Variants in PICALM observed in about 807,000 individuals in gnomAD.
PICALM encodes the protein phosphatidylinositol-binding clathrin assembly protein.
Under a neutral mutation model 80.5 loss-of-function variants are expected in PICALM, and 40 were observed. That is an observed-to-expected ratio of 0.50 (90% CI 0.39 to 0.65). The LOEUF (loss-of-function observed/expected upper bound fraction) is 0.65, where lower values mean the gene tolerates loss of function less well. Ranked by LOEUF, PICALM falls within the 30% of genes least tolerant of loss-of-function variation. PICALM has a pLI of 0.00. For missense variants in PICALM, 676 were observed against 778.9 expected (o/e 0.87, Z 1.57); for synonymous variants, 288 against 260.3 (o/e 1.11, Z -1.02).
chr11:86,005,771 T>C (rs931807993), intron 8 of PICALM, among the ~76,000 whole-genome samples: 3 of 148,238 alleles, frequency 2.0e-5, no homozygotes, highest in African/African-American at 7.7e-5. Context: ...TTAAAAGAAA[T>C]TACCAAAAAA....
chr11:86,012,228 T>C, intron 6 of PICALM, 53 bp downstream of exon 6: 2 of 956,894 alleles, frequency 2.1e-6, no homozygotes, highest in Non-Finnish European at 1.6e-6. Context: ...GTCAATATTG[T>C]TTATCCATAT....
intron 11 of PICALM, among the ~76,000 whole-genome samples, chr11:86,000,021 GC>G (rs1233954601): frequency 2.0e-5 from 3 of 152,198 alleles, no homozygotes; most frequent in Non-Finnish European, 4.4e-5. Flanking sequence ...AACTAACAGA[GC>G]CAGGATTCAA....
intron 1 of PICALM, among the ~76,000 whole-genome samples, chr11:86,056,862 T>C (rs551428276): frequency 4.6e-5 from 7 of 152,328 alleles, no homozygotes; most frequent in Admixed American, 4.6e-4. Flanking sequence ...AGTACTGATA[T>C]GTGCTACAAG....
At chr11:86,056,159 C>A (rs1313112242) in intron 1 of PICALM, among the ~76,000 whole-genome samples, 5 of 75,034 alleles carry the variant, frequency 6.7e-5, no homozygotes, top group Admixed American at 3.9e-4. Flanking sequence ...AAGAAAAAAC[C>A]CTTGAAAAAT....
intron 5 of PICALM, 48 bp from the exon 6 acceptor site, chr11:86,012,440 G>T (rs1455682701): frequency 2.0e-6 from 2 of 1,006,240 alleles, no homozygotes. Flanking sequence ...GGTTTTAAAT[G>T]ACATTGACAA....
At position 86,031,458 on chromosome 11, in the gene PICALM, A is replaced by G; in HGVS notation, c.273+11T>C. ...ACATCAGTATACTTGTTCAATAAAA[A>G]TTCTGCTTACCTCATTTCCATACAC... On this transcript the variant is annotated intron_variant, in intron 2 of 19. Transcript: ENST00000393346. 6.2e-7 allele frequency: 1 copy of G among 1,602,900 alleles called. No homozygotes were observed. The highest frequency in any genetic ancestry group is 2.2e-5 in the East Asian group (1 of 44,776).
At chr11:85,979,531 A>G (rs2094379175) in intron 17 of PICALM, among the ~76,000 whole-genome samples, 1 of 152,048 alleles carries the variant, frequency 6.6e-6, no homozygotes, top group Admixed American at 6.6e-5. Flanking sequence ...AGTGATGGCA[A>G]TGAACACTGT....
rs531154642 is a variant in PICALM at position 86,019,499 on chromosome 11, C to G, written c.452+2868G>C. ...TCAAGACTGGCCCTTCAAATTAGAA[C>G]AAAAGTTACCATTTTAAAAATCTAT... On this transcript the variant is annotated intron_variant, in intron 4 of 19. Transcript: ENST00000393346. Among the ~76,000 whole-genome samples, 12 of 152,120 alleles carry G rather than the reference C, an allele frequency of 7.9e-5. 1 individual carries two copies. The highest frequency in any genetic ancestry group is 1.8e-4 in the Non-Finnish European group (12 of 67,998).
upstream of PICALM, chr11:86,069,255 C>T: frequency 5.7e-6 from 1 of 176,294 alleles, no homozygotes; most frequent in East Asian, 9.9e-5. Context: ...CGTGATGGAA[C>T]TCGCCAGGCG....
intron 12 of PICALM, among the ~76,000 whole-genome samples, chr11:85,992,658 A>C (rs143313359): frequency 1.3e-3 from 202 of 152,322 alleles, no homozygotes; most frequent in Non-Finnish European, 2.5e-3. Flanking sequence ...ATTTTGTCAG[A>C]CAAGTAAAAT....
chr11:86,040,085 G>A (rs1329928245), intron 1 of PICALM, among the ~76,000 whole-genome samples: 3 of 151,070 alleles, frequency 2.0e-5, no homozygotes, highest in East Asian at 1.9e-4. Context: ...AAATATACAT[G>A]AGGAACGAAA....
chr11:85,986,333 T>TC (rs2094568472), intron 13 of PICALM, among the ~76,000 whole-genome samples: 1 of 151,304 alleles, frequency 6.6e-6, no homozygotes, highest in Non-Finnish European at 1.5e-5. Context: ...ATTATCGACT[T>TC]TTTGTGAAAC....
intron 9 of PICALM, among the ~76,000 whole-genome samples, chr11:86,001,594 C>A (rs1334028973): frequency 6.6e-6 from 1 of 152,210 alleles, no homozygotes; most frequent in Non-Finnish European, 1.5e-5. Context: ...AACATGCATA[C>A]CAGTAACACG....
At chr11:85,965,903 G>A (rs565838550) in intron 19 of PICALM, among the ~76,000 whole-genome samples, 113 of 130,582 alleles carry the variant, frequency 8.7e-4, no homozygotes, top group Non-Finnish European at 1.4e-3. Context: ...TGCAACCTTC[G>A]CCTCCCAGGT....
intron 1 of PICALM, among the ~76,000 whole-genome samples, chr11:86,036,758 T>A (rs2095848383): frequency 6.6e-6 from 1 of 152,014 alleles, no homozygotes; most frequent in South Asian, 2.1e-4. Context: ...ACATATTAAG[T>A]CAAAAGTTAT....
At position 85,996,972 on chromosome 11, in the gene PICALM, C is replaced by T. The variant is rs2094986583; in HGVS notation, c.1155-43G>A. ...AAACGTGTTTTATTTACCAGAAAAA[C>T]TTTGCTACTTTAGTGTCACCTTCTC... On this transcript the variant is annotated intron_variant, in intron 11 of 19. Coordinates refer to ENST00000393346, the MANE Select transcript of PICALM (RefSeq NM_007166.4). 10 of 1,330,450 alleles carry T rather than the reference C, an allele frequency of 7.5e-6. No individual in the cohort carries two copies. In the East Asian group the frequency reaches 2.4e-4, roughly 31 times the overall value. The allele number at this position is 1,330,450 out of a possible 1,614,324, so 82.4% of individuals were successfully genotyped here. A position where few individuals can be genotyped will look rare whatever the true frequency, so the allele number is the denominator to read the frequency against.
At position 85,979,065 on chromosome 11, in the gene PICALM, A is replaced by T. The variant is rs189367981; in HGVS notation, c.1779+2064T>A. Among the ~76,000 whole-genome samples, 520 of 152,238 alleles carry T rather than the reference A, an allele frequency of 3.4e-3. 3 individuals are homozygous for T. The highest frequency in any genetic ancestry group is 0.012 in the African/African-American group (493 of 41,524). ...TCTGCTTTTCAACTGCTTTGCACTTAGGGAAAAAAAAAATCTTTAGAAGTG... is the reference window on the plus strand; with the variant it reads ...TCTGCTTTTCAACTGCTTTGCACTTTGGGAAAAAAAAAATCTTTAGAAGTG... On this transcript the variant is annotated intron_variant, in intron 17 of 19. Coordinates refer to ENST00000393346, the MANE Select transcript of PICALM (RefSeq NM_007166.4).
intron 1 of PICALM, among the ~76,000 whole-genome samples, chr11:86,039,573 G>C (rs182490666): frequency 5.0e-4 from 76 of 152,012 alleles, no homozygotes; most frequent in Middle Eastern, 6.8e-3. Flanking sequence ...CTCATTATCT[G>C]GTCTGTTTAT....
chr11:86,007,603 T>C lies in PICALM; in HGVS notation c.766-20A>G, dbSNP rs768577337. The C allele has an allele frequency of 2.5e-5, 31 of 1,221,610 alleles. No individual in the cohort carries two copies. The highest frequency in any genetic ancestry group is 3.4e-5 in the Non-Finnish European group (30 of 872,524). 75.7% of individuals were successfully genotyped at this position (1,221,610 alleles called of 1,614,324 possible). A position where few individuals can be genotyped will look rare whatever the true frequency, so the allele number is the denominator to read the frequency against. On this transcript the variant is annotated intron_variant, in intron 7 of 19. Transcript: ENST00000393346. Reference sequence around the variant, plus strand: ...AACTTGCTGTAAGAAAAGCATTGTATTTAATAAATTATAATAAAAATATTT... The same window carrying C: ...AACTTGCTGTAAGAAAAGCATTGTACTTAATAAATTATAATAAAAATATTT...
Sources: gnomAD v4.1 joint callset for allele counts (sites outside exome capture counted in the v4.1 genomes callset) on GRCh38, gnomAD v4.1.1 for gene constraint, MANE v1.5 for transcripts, NCBI Gene and HGNC (gene_info 2026-07-23, HGNC 2026-07-21) for gene names.